Variants in GNB4 observed in about 807,000 individuals in gnomAD.
The protein encoded by GNB4 is guanine nucleotide-binding protein subunit beta-4.
In GNB4, 28 loss-of-function variants were observed where a neutral mutation model predicts 45.2. The ratio of observed to expected loss-of-function variants is 0.62; its 90% CI spans 0.46 to 0.85. The LOEUF (loss-of-function observed/expected upper bound fraction) is 0.85. Among genes scored for constraint, GNB4 ranks in the 40% least tolerant of loss-of-function variants. The probability of loss-of-function intolerance (pLI) is 0.00; values close to 1 mark genes in which losing one functional copy is unlikely to be tolerated. For synonymous variants in GNB4, 132 were observed against 143.7 expected (o/e 0.92, Z 0.58); for missense variants, 321 against 425.4 (o/e 0.75, Z 2.16).
At chr3:179,445,173 C>T (rs1416932836) in intron 1 of GNB4, among the ~76,000 whole-genome samples, 1 of 152,126 alleles carries the variant, frequency 6.6e-6, no homozygotes, top group African/African-American at 2.4e-5. Context: ...AGAATCTGTT[C>T]CATAGAGAAA....
chr3:179,431,384 C>T (rs933441674), intron 1 of GNB4, among the ~76,000 whole-genome samples: 2 of 151,900 alleles, frequency 1.3e-5, no homozygotes, highest in African/African-American at 2.4e-5. Context: ...TGGCGAAACC[C>T]CATCTCTACT....
Position 179,416,846 on chromosome 3 carries a change from G to C in GNB4, c.204-290C>G, listed in dbSNP as rs2111278. Among the ~76,000 whole-genome samples the C allele has an allele frequency of 0.18, 27,807 of 152,146 alleles. 3,077 individuals are homozygous for C. The highest frequency in any genetic ancestry group is 0.35 in the East Asian group (1,827 of 5,166). On this transcript the variant is annotated intron_variant, in intron 4 of 9. Transcript: ENST00000232564. ...TACAAGATTTGGGTGGATATTAGCTGACTGGTTTAGTACTTACTGACTTAC... is the reference window on the plus strand; with the variant it reads ...TACAAGATTTGGGTGGATATTAGCTCACTGGTTTAGTACTTACTGACTTAC...
the GNB4 span, among the ~76,000 whole-genome samples, chr3:179,484,973 A>G: frequency 6.7e-6 from 1 of 148,948 alleles, no homozygotes; most frequent in African/African-American, 2.5e-5. Flanking sequence ...GGTATTTGCT[A>G]ATTCAGTGTT....
chr3:179,416,587 ACTT>A, intron 4 of GNB4, 31 bp from the exon 5 acceptor site: 1 of 1,399,562 alleles, frequency 7.1e-7, no homozygotes. Flanking sequence ...ATAATTTGAC[ACTT>A]AGAGGGAAAA....
At chr3:179,467,061 T>C in the GNB4 span, among the ~76,000 whole-genome samples, 1 of 152,220 alleles carries the variant, frequency 6.6e-6, no homozygotes, top group African/African-American at 2.4e-5. Context: ...TCTCCCTGGC[T>C]GGAGTGCAGT....
At chr3:179,485,886 G>A in the GNB4 span, among the ~76,000 whole-genome samples, 35 of 152,042 alleles carry the variant, frequency 2.3e-4, no homozygotes, top group Admixed American at 6.6e-5. Flanking sequence ...GTTGCAGTGA[G>A]CCAAGAATGT....
chr3:179,502,228 C>CTTTTTTTTTTTTTTTT, the GNB4 span, among the ~76,000 whole-genome samples: 4 of 73,464 alleles, frequency 5.4e-5, no homozygotes, highest in Non-Finnish European at 7.6e-5. Context: ...TTTTTCTTTT[C>CTTTTTTTTTTTTTTTT]TTTTTTTTTT....
Position 179,400,992 on chromosome 3 carries a change from C to T in GNB4, c.*221G>A. On this transcript the variant is annotated 3_prime_UTR_variant, in exon 10 of 10. Transcript: ENST00000232564. The stretch of plus-strand genomic sequence containing the variant: ...TCACCAAGGTTAAAATAACCCAACC[C>T]CTCAAATTAATACACTGGTCCTTTT... The T allele has an allele frequency of 9.2e-6, 4 of 436,266 alleles. No individual in the cohort carries two copies. The South Asian group carries it at 1.9e-4, about 21-fold the overall frequency. 27.0% of individuals were successfully genotyped at this position (436,266 alleles called of 1,614,324 possible). A position where few individuals can be genotyped will look rare whatever the true frequency, so the allele number is the denominator to read the frequency against.
At chr3:179,402,136 T>G (rs542619543) in intron 9 of GNB4, among the ~76,000 whole-genome samples, 2 of 152,154 alleles carry the variant, frequency 1.3e-5, no homozygotes, top group Non-Finnish European at 2.9e-5. Context: ...TGTTTGGCAA[T>G]GGGAAAATTT....
chr3:179,473,641 G>A, the GNB4 span, among the ~76,000 whole-genome samples: 1 of 152,076 alleles, frequency 6.6e-6, no homozygotes, highest in African/African-American at 2.4e-5. Context: ...GTGCTGGGAA[G>A]TGGTGTCAAT....
the GNB4 span, among the ~76,000 whole-genome samples, chr3:179,519,942 T>C: frequency 2.6e-5 from 4 of 152,050 alleles, no homozygotes; most frequent in Admixed American, 6.6e-5. Context: ...CCTTTACAGT[T>C]CCCCCATTTT....
At chr3:179,523,947 A>T in the GNB4 span, among the ~76,000 whole-genome samples, 1 of 152,212 alleles carries the variant, frequency 6.6e-6, no homozygotes, top group Non-Finnish European at 1.5e-5. Flanking sequence ...AAAGGAGTGC[A>T]TAAAAGAATG....
chr3:179,416,321 A>T (rs1254520744), intron 5 of GNB4, among the ~76,000 whole-genome samples, 172 bp downstream of exon 5: 1 of 152,228 alleles, frequency 6.6e-6, no homozygotes, highest in African/African-American at 2.4e-5. Flanking sequence ...GAAATGAAAA[A>T]GGGTTAAACA....
intron 1 of GNB4, among the ~76,000 whole-genome samples, chr3:179,438,491 G>T (rs73172219): frequency 6.6e-6 from 1 of 152,180 alleles, no homozygotes; most frequent in Non-Finnish European, 1.5e-5. Flanking sequence ...CCCAGCAAGG[G>T]AAATATATGA....
chr3:179,494,485 C>A, the GNB4 span, among the ~76,000 whole-genome samples: 1 of 141,468 alleles, frequency 7.1e-6, no homozygotes, highest in Non-Finnish European at 1.5e-5. Flanking sequence ...CCACCCTGGG[C>A]AACATTACAA....
At chr3:179,519,439 A>G in the GNB4 span, among the ~76,000 whole-genome samples, 24 of 152,238 alleles carry the variant, frequency 1.6e-4, no homozygotes, top group Middle Eastern at 3.4e-3. Flanking sequence ...TAATCAATAC[A>G]GAGGCTACCC....
the GNB4 span, among the ~76,000 whole-genome samples, chr3:179,519,821 T>C: frequency 6.6e-6 from 1 of 152,100 alleles, no homozygotes; most frequent in Non-Finnish European, 1.5e-5. Context: ...TAAAATCTAA[T>C]CACCCTTACC....
chr3:179,416,439 G>A, intron 5 of GNB4, 54 bp downstream of exon 5: 1 of 1,053,896 alleles, frequency 9.5e-7, no homozygotes, highest in Non-Finnish European at 1.4e-6. Flanking sequence ...GAAAGAACTG[G>A]TGAACAGCCA....
chr3:179,520,577 G>T, the GNB4 span, among the ~76,000 whole-genome samples: 2 of 152,156 alleles, frequency 1.3e-5, no homozygotes, highest in African/African-American at 2.4e-5. Flanking sequence ...ACTCTCTACA[G>T]TTCTCATAAC....
Sources: gnomAD v4.1 joint callset for allele counts (sites outside exome capture counted in the v4.1 genomes callset) on GRCh38, gnomAD v4.1.1 for gene constraint, MANE v1.5 for transcripts, NCBI Gene and HGNC (gene_info 2026-07-23, HGNC 2026-07-21) for gene names.